Variants in PDE4D observed in about 807,000 individuals in gnomAD.
PDE4D encodes the protein 3',5'-cyclic-AMP phosphodiesterase 4D.
Under a neutral mutation model 87.4 loss-of-function variants are expected in PDE4D, and 24 were observed. That is an observed-to-expected ratio of 0.27 (90% confidence interval 0.20 to 0.39). The LOEUF (loss-of-function observed/expected upper bound fraction) is 0.39. Ranked by LOEUF, PDE4D falls within the 10% of genes least tolerant of loss-of-function variation. The probability of loss-of-function intolerance (pLI) is 1.00; values close to 1 mark genes in which losing one functional copy is unlikely to be tolerated. For synonymous variants in PDE4D, 384 were observed against 383.2 expected (o/e 1.00, Z -0.02); for missense variants, 714 against 1,041.0 (o/e 0.69, Z 4.32).
At position 59,504,902 on chromosome 5, in the gene PDE4D, ATGTGTGTGTGTGTG is replaced by A. The variant is rs61507201; in HGVS notation, c.456-288948_456-288935del. On this transcript the variant is annotated intron_variant, in intron 1 of 14. Coordinates refer to ENST00000340635, the MANE Select transcript of PDE4D (RefSeq NM_001104631.2). ...TTTCATACTTTCTTGGTAGGGGTAT[ATGTGTGTGTGTGTG>A]TGTGTGTGTGTGTGTGTGTGTGTGC... is the stretch of plus-strand genomic sequence containing the variant. Among the ~76,000 whole-genome samples the A allele has an allele frequency of 3.2e-4, 46 of 145,822 alleles. 1 individual carries two copies. In the South Asian group the frequency reaches 3.6e-3, roughly 11 times the overall value.
intron 1 of PDE4D, among the ~76,000 whole-genome samples, chr5:60,263,086 G>A (rs1267536387): frequency 6.6e-6 from 1 of 152,140 alleles, no homozygotes; most frequent in Non-Finnish European, 1.5e-5. Flanking sequence ...GCTGAAGTGG[G>A]TTTGGTCCTA....
intron 1 of PDE4D, among the ~76,000 whole-genome samples, chr5:59,454,102 G>C (rs1799550513): frequency 6.6e-6 from 1 of 152,164 alleles, no homozygotes; most frequent in African/African-American, 2.4e-5. Flanking sequence ...CAGCACATCT[G>C]TTGACAGCAT....
At chr5:59,765,825 A>G (rs900927774) in intron 1 of PDE4D, among the ~76,000 whole-genome samples, 2 of 152,252 alleles carry the variant, frequency 1.3e-5, no homozygotes, top group Non-Finnish European at 2.9e-5. Flanking sequence ...TTTGTAGAAC[A>G]GCAAGATTAT....
rs529955142 is a variant in PDE4D, at chr5:59,667,328, T to C, written c.455+225840A>G. On this transcript the variant is annotated intron_variant, in intron 1 of 14. Transcript: ENST00000340635. ...ATTGCATTGCATTGCATTACATTTT[T>C]TGAGACAGAGTCTCACTCTGTCGCT... Among the ~76,000 whole-genome samples the C allele has an allele frequency of 2.2e-4, 33 of 152,224 alleles. No individual in the cohort carries two copies. In the South Asian group the frequency reaches 6.4e-3, roughly 30 times the overall value.
At chr5:59,778,145 T>C (rs1341762298) in intron 1 of PDE4D, among the ~76,000 whole-genome samples, 1 of 152,214 alleles carries the variant, frequency 6.6e-6, no homozygotes, top group Non-Finnish European at 1.5e-5. Flanking sequence ...GGATACAAGA[T>C]TCATTCTTTG....
chr5:59,824,026 A>T (rs1770020726), intron 1 of PDE4D, among the ~76,000 whole-genome samples: 1 of 151,746 alleles, frequency 6.6e-6, no homozygotes, highest in African/African-American at 2.4e-5. Context: ...GTGGGAAAAC[A>T]TCTTGTTCAT....
chr5:59,248,319 G>A (rs1224899079), intron 1 of PDE4D, among the ~76,000 whole-genome samples: 2 of 151,302 alleles, frequency 1.3e-5, no homozygotes, highest in Non-Finnish European at 2.9e-5. Flanking sequence ...ACTAGTCAGG[G>A]CACACTATTG....
At chr5:59,916,160 G>A (rs1754022155) in intron 3 of PDE4D, among the ~76,000 whole-genome samples, 1 of 152,130 alleles carries the variant, frequency 6.6e-6, no homozygotes, top group Non-Finnish European at 1.5e-5. Context: ...AGGAGAAAAG[G>A]ACAATGGTGG....
intron 1 of PDE4D, among the ~76,000 whole-genome samples, chr5:60,446,120 G>T (rs1180489103): frequency 6.6e-6 from 1 of 151,986 alleles, no homozygotes; most frequent in Non-Finnish European, 1.5e-5. Flanking sequence ...ATATCAGATT[G>T]GCAACATTTT....
intron 1 of PDE4D, among the ~76,000 whole-genome samples, chr5:60,473,252 G>A (rs1180999148): frequency 6.7e-6 from 1 of 149,582 alleles, no homozygotes; most frequent in Non-Finnish European, 1.5e-5. Flanking sequence ...AGGAAAGGAA[G>A]GAAGGAAGGG....
intron 1 of PDE4D, among the ~76,000 whole-genome samples, chr5:59,680,490 G>A (rs1748826698): frequency 1.3e-5 from 2 of 151,940 alleles, no homozygotes; most frequent in African/African-American, 2.4e-5. Flanking sequence ...CAGATTAATC[G>A]ATTCAACTCT....
intron 2 of PDE4D, among the ~76,000 whole-genome samples, chr5:60,094,029 T>G (rs1390243004): frequency 6.6e-6 from 1 of 152,206 alleles, no homozygotes; most frequent in Non-Finnish European, 1.5e-5. Flanking sequence ...ATCAGCATTT[T>G]ATTAAAAAGG....
At chr5:59,389,469 G>A (rs2153607250) in intron 1 of PDE4D, among the ~76,000 whole-genome samples, 1 of 151,854 alleles carries the variant, frequency 6.6e-6, no homozygotes, top group Middle Eastern at 3.4e-3. Context: ...AAGGGTGCTG[G>A]GAAAAGAGAA....
chr5:59,899,780 T>C (rs1428521467), intron 3 of PDE4D, among the ~76,000 whole-genome samples: 1 of 152,122 alleles, frequency 6.6e-6, no homozygotes, highest in Non-Finnish European at 1.5e-5. Context: ...GCAGCCAGCT[T>C]GTTATGGCTG....
intron 1 of PDE4D, among the ~76,000 whole-genome samples, chr5:59,541,319 T>G (rs1384148742): frequency 6.6e-6 from 1 of 152,196 alleles, no homozygotes; most frequent in Non-Finnish European, 1.5e-5. Context: ...GTTCATAAAT[T>G]AAATGTTATC....
At chr5:60,119,107 C>G (rs764379092) in intron 2 of PDE4D, among the ~76,000 whole-genome samples, 15 of 152,162 alleles carry the variant, frequency 9.9e-5, no homozygotes, top group Non-Finnish European at 1.8e-4. Flanking sequence ...GTCCTTAAAC[C>G]TTGTTGGTCT....
At chr5:60,445,780 G>C (rs1745595215) in intron 1 of PDE4D, among the ~76,000 whole-genome samples, 1 of 151,832 alleles carries the variant, frequency 6.6e-6, no homozygotes, top group African/African-American at 2.4e-5. Context: ...CATTTTAAAG[G>C]GCAAGTCTCA....
chr5:59,548,441 C>A (rs1479770469), intron 1 of PDE4D, among the ~76,000 whole-genome samples: 1 of 151,996 alleles, frequency 6.6e-6, no homozygotes, highest in African/African-American at 2.4e-5. Context: ...TATTTCACAC[C>A]CATTAGGTAC....
chr5:59,083,433 C>G (rs1196252170), intron 5 of PDE4D, among the ~76,000 whole-genome samples: 2 of 151,998 alleles, frequency 1.3e-5, no homozygotes, highest in Non-Finnish European at 2.9e-5. Flanking sequence ...CATCCTTTCC[C>G]ATTCCTCCAC....
Sources: allele counts gnomAD v4.1 joint callset (sites outside exome capture counted in the v4.1 genomes callset), GRCh38; gene constraint gnomAD v4.1.1; transcripts MANE v1.5; gene names NCBI Gene and HGNC (gene_info 2026-07-23, HGNC 2026-07-21).